Variants in ACVR1 observed in about 807,000 individuals in gnomAD.
ACVR1 encodes activin A receptor type 1, also known as activin receptor type-1.
Under a neutral mutation model 57.1 loss-of-function variants are expected in ACVR1, and 38 were observed. The ratio of observed to expected loss-of-function variants is 0.67; its 90% CI spans 0.51 to 0.87. ACVR1 has a LOEUF of 0.87. Ranked by LOEUF, ACVR1 falls within the 40% of genes least tolerant of loss-of-function variation. The probability of loss-of-function intolerance (pLI) is 0.00; values close to 1 mark genes in which losing one functional copy is unlikely to be tolerated. For missense variants in ACVR1, 463 were observed against 638.2 expected (o/e 0.73, Z 2.96); for synonymous variants, 212 against 228.1 (o/e 0.93, Z 0.63).
At chr2:157,817,614 G>A (rs1171405410) in intron 2 of ACVR1, among the ~76,000 whole-genome samples, 2 of 152,142 alleles carry the variant, frequency 1.3e-5, no homozygotes, top group African/African-American at 2.4e-5. Flanking sequence ...AGTAGGGGAG[G>A]TGTTGGGGAG....
At chr2:157,851,888 CA>C (rs1559093965) in intron 1 of ACVR1, among the ~76,000 whole-genome samples, 206 of 4,050 alleles carry the variant, frequency 0.051, 6 homozygotes, top group Admixed American at 0.076. Context: ...CACACACACA[CA>C]CACACACACA....
At chr2:157,862,456 C>T (rs1558853657) in intron 1 of ACVR1, among the ~76,000 whole-genome samples, 1 of 128,076 alleles carries the variant, frequency 7.8e-6, no homozygotes, top group Non-Finnish European at 1.8e-5. Flanking sequence ...CACACACACA[C>T]ACAGAGTACA....
intron 1 of ACVR1, among the ~76,000 whole-genome samples, chr2:157,847,539 A>G (rs1689162472): frequency 6.6e-6 from 1 of 152,190 alleles, no homozygotes; most frequent in Non-Finnish European, 1.5e-5. Flanking sequence ...TTTCTATTTA[A>G]CCACTGTTAA....
At chr2:157,771,837 A>G (rs1253989468) in intron 6 of ACVR1, among the ~76,000 whole-genome samples, 1 of 152,222 alleles carries the variant, frequency 6.6e-6, no homozygotes, top group African/African-American at 2.4e-5. Context: ...GGTCACACAA[A>G]TATAATTTAG....
At chr2:157,811,978 G>C (rs1175832121) in intron 2 of ACVR1, among the ~76,000 whole-genome samples, 2 of 152,160 alleles carry the variant, frequency 1.3e-5, no homozygotes, top group Admixed American at 6.5e-5. Flanking sequence ...TTGAGGACTA[G>C]AATTTTGTGT....
intron 2 of ACVR1, among the ~76,000 whole-genome samples, chr2:157,808,839 A>C (rs1042019751): frequency 6.6e-6 from 1 of 151,734 alleles, no homozygotes; most frequent in African/African-American, 2.4e-5. Flanking sequence ...GGCTGATGGA[A>C]GCCAAAGACT....
intron 3 of ACVR1, among the ~76,000 whole-genome samples, chr2:157,782,430 A>T (rs1574059090): frequency 6.6e-6 from 1 of 152,254 alleles, no homozygotes; most frequent in Non-Finnish European, 1.5e-5. Flanking sequence ...CTTAATGAGC[A>T]AAAGTTTTAA....
intron 3 of ACVR1, among the ~76,000 whole-genome samples, chr2:157,796,336 G>C (rs1164376776): frequency 6.6e-6 from 1 of 152,052 alleles, no homozygotes. Flanking sequence ...TGGATCACTT[G>C]AGCTCAGGAG....
At chr2:157,756,192 G>C (rs1449236174) in intron 9 of ACVR1, among the ~76,000 whole-genome samples, 1 of 152,048 alleles carries the variant, frequency 6.6e-6, no homozygotes, top group African/African-American at 2.4e-5. Context: ...TTAAATCTAA[G>C]ATCTGAAACA....
At chr2:157,742,507 T>C (rs1574006576) in intron 9 of ACVR1, among the ~76,000 whole-genome samples, 1 of 152,186 alleles carries the variant, frequency 6.6e-6, no homozygotes, top group African/African-American at 2.4e-5. Flanking sequence ...CCACAACTTT[T>C]GGCAGGGGTG....
intron 9 of ACVR1, among the ~76,000 whole-genome samples, chr2:157,748,808 A>G (rs1439468809): frequency 6.6e-6 from 1 of 152,210 alleles, no homozygotes; most frequent in Non-Finnish European, 1.5e-5. Context: ...AACTATATAA[A>G]TTACCCCAAT....
At position 157,760,958 on chromosome 2, in the gene ACVR1, A is replaced by T. The variant is rs760693961; in HGVS notation, c.1186T>A (p.Phe396Ile). Residue 396 changes from phenylalanine to isoleucine, a missense_variant, in exon 9 of 11, where the codon TTC becomes ATC. This residue lies in a region of ACVR1 where 146 missense variants were observed against 186.6 expected (regional missense o/e 0.78). Transcript: ENST00000434821. ...VLDETIQVDCFDSYKRVDIWA... is the reference protein window; with the variant it reads ...VLDETIQVDCIDSYKRVDIWA... ...ATATCGACCCTTTTATAAGAATCGA[A>T]ACAATCCACCTGGATGGTTTCATCT... 2 of 1,614,172 alleles carry T rather than the reference A, an allele frequency of 1.2e-6. No individual in the cohort carries two copies. Among genetic ancestry groups the T allele is most frequent in the Non-Finnish European group, 1.7e-6 (2 of 1,180,012 alleles).
chr2:157,753,835 T>C (rs1449081348), intron 9 of ACVR1, among the ~76,000 whole-genome samples: 1 of 152,148 alleles, frequency 6.6e-6, no homozygotes, highest in Non-Finnish European at 1.5e-5. Context: ...GGGAAATTTC[T>C]CCAAGATAGA....
intron 9 of ACVR1, among the ~76,000 whole-genome samples, chr2:157,758,866 G>T (rs1040879864): frequency 2.0e-5 from 3 of 151,870 alleles, no homozygotes; most frequent in African/African-American, 7.2e-5. Flanking sequence ...CAAACACATG[G>T]AAATTCAAAA....
chr2:157,821,926 T>G (rs985092115), intron 1 of ACVR1, among the ~76,000 whole-genome samples: 1 of 152,182 alleles, frequency 6.6e-6, no homozygotes, highest in African/African-American at 2.4e-5. Context: ...AAAAAGCACT[T>G]AAAATCAAAC....
At chr2:157,772,889 TG>T (rs1686125259) in intron 6 of ACVR1, among the ~76,000 whole-genome samples, 1 of 152,204 alleles carries the variant, frequency 6.6e-6, no homozygotes. Flanking sequence ...AAGCTCCCGC[TG>T]GTTACTCCTG....
chr2:157,824,936 G>A (rs1200864839), intron 1 of ACVR1, among the ~76,000 whole-genome samples: 1 of 152,076 alleles, frequency 6.6e-6, no homozygotes, highest in Non-Finnish European at 1.5e-5. Context: ...GGTGGAGATG[G>A]GGTTTTGCCA....
Position 157,777,261 on chromosome 2 carries a change from A to G in ACVR1, c.543+870T>C, listed in dbSNP as rs539170675. Among the ~76,000 whole-genome samples, 4 of 152,330 alleles carry G rather than the reference A, an allele frequency of 2.6e-5. No individual in the cohort carries two copies. The South Asian group carries it at 8.3e-4, about 32-fold the overall frequency. On this transcript the variant is annotated intron_variant, in intron 5 of 10. Coordinates refer to ENST00000434821, the MANE Select transcript of ACVR1 (RefSeq NM_001111067.4). ...GCAAAAGAATAATTTTTTAATGTAT[A>G]AATACAATAGTTTCTAACACTGTGC... is the stretch of plus-strand genomic sequence containing the variant.
chr2:157,799,679 A>T (rs1024975347), intron 2 of ACVR1, among the ~76,000 whole-genome samples, 179 bp from the exon 3 acceptor site: 5 of 152,166 alleles, frequency 3.3e-5, no homozygotes, highest in African/African-American at 1.2e-4. Flanking sequence ...TAAACATATC[A>T]CTTTAAAGAG....
Sources: allele counts gnomAD v4.1 joint callset (sites outside exome capture counted in the v4.1 genomes callset), GRCh38; gene constraint gnomAD v4.1.1; regional missense constraint gnomAD v4.1.1; transcripts MANE v1.5; gene names NCBI Gene and HGNC (gene_info 2026-07-23, HGNC 2026-07-21).